The following CATSPERE variants were observed in gnomAD, a reference collection of about 807,000 sequenced individuals.
CATSPERE encodes the protein cation channel sperm-associated auxiliary subunit epsilon.
CATSPERE carries 93 observed loss-of-function variants against 114.1 expected under a neutral mutation model. The observed-to-expected ratio is 0.81, with a 90% CI of 0.69 to 0.97. The LOEUF (loss-of-function observed/expected upper bound fraction) is 0.97. CATSPERE is among the 50% of genes least tolerant of loss of function. CATSPERE has a pLI of 0.00. For missense variants in CATSPERE, 1,058 were observed against 1,131.6 expected (o/e 0.93, Z 0.93); for synonymous variants, 341 against 384.1 (o/e 0.89, Z 1.31).
At chr1:244,490,172 T>C (rs1671776042) in intron 5 of CATSPERE, among the ~76,000 whole-genome samples, 1 of 152,138 alleles carries the variant, frequency 6.6e-6, no homozygotes, top group African/African-American at 2.4e-5. Flanking sequence ...TTATTAATCT[T>C]AGCGTGAGCG....
intron 17 of CATSPERE, among the ~76,000 whole-genome samples, chr1:244,601,432 CA>C (rs1669202198): frequency 1.3e-5 from 2 of 152,078 alleles, no homozygotes; most frequent in Non-Finnish European, 2.9e-5. Context: ...TGAGGATTGG[CA>C]TGAAGTCTCA....
chr1:244,472,798 A>G (rs752346636), intron 2 of CATSPERE, among the ~76,000 whole-genome samples: 1 of 152,060 alleles, frequency 6.6e-6, no homozygotes, highest in Non-Finnish European at 1.5e-5. Flanking sequence ...CCCCCTCCCC[A>G]GCCCCTTACA....
chr1:244,465,130 G>A (rs112341017), intron 2 of CATSPERE, among the ~76,000 whole-genome samples: 2,718 of 151,808 alleles, frequency 0.018, 76 homozygotes, highest in African/African-American at 0.062. Context: ...CTGCCTCCCG[G>A]GTTCAAGCGA....
intron 7 of CATSPERE, among the ~76,000 whole-genome samples, chr1:244,513,843 A>G (rs1018759013): frequency 1.3e-5 from 2 of 152,170 alleles, no homozygotes; most frequent in African/African-American, 4.8e-5. Context: ...TGGGTTGGGT[A>G]TAACCTCAGG....
Position 244,477,936 on chromosome 1 carries a change from A to G in CATSPERE, c.219A>G (p.Ser73=). The change falls in exon 4 of 22, where the codon TCA becomes TCG. Residue 73 remains serine (S), a synonymous_variant. Coordinates refer to ENST00000366534, the MANE Select transcript of CATSPERE (RefSeq NM_001130957.2). The stretch of plus-strand genomic sequence containing the variant: ...CCACGACAGAATTGCGTTGTTCCTC[A>G]CCTGGTGTTCACGCTATAAAACCAA... ...SSPTTELRCS[S]PGVHAIKPIV... 5.0e-6 allele frequency: 8 copies of G among 1,610,066 alleles called. No homozygotes were observed. The highest frequency in any genetic ancestry group is 6.8e-6 in the Non-Finnish European group (8 of 1,177,028).
At chr1:244,508,597 G>A (rs1675209915) in intron 7 of CATSPERE, among the ~76,000 whole-genome samples, 1 of 151,226 alleles carries the variant, frequency 6.6e-6, no homozygotes, top group African/African-American at 2.4e-5. Flanking sequence ...CACTGCGCCT[G>A]GCCAGAAACA....
At chr1:244,452,768 C>T (rs1665728191), upstream of CATSPERE, among the ~76,000 whole-genome samples, 1 of 152,136 alleles carries the variant, frequency 6.6e-6, no homozygotes, top group Non-Finnish European at 1.5e-5. Flanking sequence ...ATTGGTACTT[C>T]GATAATCTAA....
At chr1:244,593,627 TC>T in intron 17 of CATSPERE, 49 bp downstream of exon 17, 2 of 1,478,080 alleles carry the variant, frequency 1.4e-6, no homozygotes, top group Non-Finnish European at 1.9e-6. Context: ...AGTTTCAAAC[TC>T]AAAGCACGAA....
intron 1 of CATSPERE, among the ~76,000 whole-genome samples, chr1:244,463,273 G>A (rs1572206134): frequency 6.6e-6 from 1 of 152,134 alleles, no homozygotes; most frequent in Non-Finnish European, 1.5e-5. Flanking sequence ...TTAATTAATA[G>A]GAGGTGGCTT....
chr1:244,525,877 CA>C (rs532992608), intron 8 of CATSPERE, among the ~76,000 whole-genome samples: 1 of 151,250 alleles, frequency 6.6e-6, no homozygotes, highest in Admixed American at 6.6e-5. Context: ...AATGGCTTAA[CA>C]ACAAAAAAAA....
rs978778370 is a variant in CATSPERE, at chr1:244,575,504, C to T, written c.1950+2732C>T. Among the ~76,000 whole-genome samples, 2 of 152,230 alleles carry T rather than the reference C, an allele frequency of 1.3e-5. No homozygotes were observed. The highest frequency in any genetic ancestry group is 6.5e-5 in the Admixed American group (1 of 15,284). On this transcript the variant is annotated intron_variant, in intron 11 of 21. Transcript: ENST00000366534. This position sits in a 1 kb window ranked among gnomAD's most constrained non-coding sequence, Gnocchi z 4.5. ...CCGAGGGTGGCAGGACGTACCTGAG[C>T]AGCACAGAAGGCTTGGGGCTCGACA...
At chr1:244,516,244 T>C (rs1284548384) in intron 7 of CATSPERE, among the ~76,000 whole-genome samples, 1 of 152,100 alleles carries the variant, frequency 6.6e-6, no homozygotes, top group African/African-American at 2.4e-5. Context: ...AGCAGTAATA[T>C]AATGAAACTT....
At chr1:244,593,921 C>T (rs1466707093) in intron 17 of CATSPERE, among the ~76,000 whole-genome samples, 2 of 152,214 alleles carry the variant, frequency 1.3e-5, no homozygotes, top group African/African-American at 4.8e-5. Flanking sequence ...TATAACTTCT[C>T]TTTCCACAAG....
intron 11 of CATSPERE, among the ~76,000 whole-genome samples, chr1:244,580,141 A>G (rs1201819952): frequency 6.6e-6 from 1 of 151,682 alleles, no homozygotes; most frequent in Non-Finnish European, 1.5e-5. Context: ...GGTTCAAGCA[A>G]TTCTTGTATC....
At chr1:244,491,219 A>C (rs1388650136) in intron 6 of CATSPERE, among the ~76,000 whole-genome samples, 1 of 152,198 alleles carries the variant, frequency 6.6e-6, no homozygotes, top group African/African-American at 2.4e-5. Context: ...AGCAAATGTA[A>C]AAGAACAGAA....
chr1:244,617,559 G>A lies in CATSPERE; in HGVS notation c.2521G>A (p.Gly841Arg). The change falls in exon 20 of 22, where the codon GGA (glycine) becomes AGA (arginine). Residue 841 changes from glycine (G) to arginine (R), a missense_variant. By Grantham distance (125) the Gly-to-Arg change is moderately radical (BLOSUM62 -2). Around this residue, in one of 2 missense-constraint regions of CATSPERE, gnomAD observed 787 missense variants for 905.6 expected, o/e 0.87. Transcript: ENST00000366534. The stretch of plus-strand genomic sequence containing the variant: ...TAAACACTGTTTTTCTTATGCTATT[G>A]GAAAACCAGGAGACTTAAATCAACC... The part of the protein sequence containing the change: ...NYKHCFSYAI[G>R]KPGDLNQPYE... The A allele has an allele frequency of 6.6e-7, 1 of 1,525,806 alleles. No individual in the cohort carries two copies. The highest frequency in any genetic ancestry group is 8.8e-7 in the Non-Finnish European group (1 of 1,139,314). 94.5% of individuals were successfully genotyped at this position (1,525,806 alleles called of 1,614,324 possible).
chr1:244,510,834 TC>T (rs1675598646), intron 7 of CATSPERE, among the ~76,000 whole-genome samples: 12 of 138,268 alleles, frequency 8.7e-5, no homozygotes, highest in East Asian at 2.1e-4. Context: ...TTTTTCTTTT[TC>T]TTTTTTTTTT....
intron 8 of CATSPERE, among the ~76,000 whole-genome samples, chr1:244,539,237 G>T (rs1278186842): frequency 6.6e-6 from 1 of 150,744 alleles, no homozygotes. Flanking sequence ...TAATCGTGTG[G>T]TTTTTGTCTT....
At chr1:244,502,892 G>T (rs1674281833) in intron 7 of CATSPERE, among the ~76,000 whole-genome samples, 1 of 152,044 alleles carries the variant, frequency 6.6e-6, no homozygotes, top group Non-Finnish European at 1.5e-5. Context: ...ACAGAGGAGA[G>T]AAAGGTTCCC....
Sources: allele counts gnomAD v4.1 joint callset (sites outside exome capture counted in the v4.1 genomes callset), GRCh38; gene constraint gnomAD v4.1.1; regional missense constraint gnomAD v4.1.1; non-coding constraint Gnocchi (gnomAD v3.1); transcripts MANE v1.5; gene names NCBI Gene and HGNC (gene_info 2026-07-23, HGNC 2026-07-21).